Variants in USP45 observed in about 807,000 individuals in gnomAD.
USP45 encodes ubiquitin specific peptidase 45, also known as ubiquitin carboxyl-terminal hydrolase 45.
In USP45, 89 loss-of-function variants were observed where a neutral mutation model predicts 95.8. The observed-to-expected ratio is 0.93, with a 90% CI of 0.78 to 1.11. The LOEUF is 1.11. USP45 is among the 50% of genes least tolerant of loss of function. The pLI, the probability that USP45 is intolerant of heterozygous loss-of-function variation, is 0.00. For synonymous variants in USP45, 281 were observed against 316.2 expected (o/e 0.89, Z 1.18); for missense variants, 898 against 942.5 (o/e 0.95, Z 0.62).
chr6:99,452,504 G>A (rs866888721), intron 13 of USP45, among the ~76,000 whole-genome samples: 21 of 152,262 alleles, frequency 1.4e-4, no homozygotes, highest in Admixed American at 3.3e-4. Context: ...TTAGAATGGT[G>A]ATCATTAAAA....
intron 13 of USP45, among the ~76,000 whole-genome samples, chr6:99,454,390 TTAGTC>T (rs745349165): frequency 6.6e-6 from 1 of 152,092 alleles, no homozygotes; most frequent in Admixed American, 6.6e-5. Flanking sequence ...ACTCAGGACA[TTAGTC>T]TAGGTAATGA....
At chr6:99,489,028 C>T (rs139823985) in intron 5 of USP45, among the ~76,000 whole-genome samples, 1 of 152,242 alleles carries the variant, frequency 6.6e-6, no homozygotes, top group African/African-American at 2.4e-5. Context: ...TACAGATCTG[C>T]ACCTCACACT....
At chr6:99,485,888 A>G (rs1315575267) in intron 7 of USP45, among the ~76,000 whole-genome samples, 1 of 152,216 alleles carries the variant, frequency 6.6e-6, no homozygotes. Flanking sequence ...AAACCATATG[A>G]TCATCTCAAT....
At chr6:99,507,308 A>G in intron 4 of USP45, 120 bp downstream of exon 4, 1 of 530,164 alleles carries the variant, frequency 1.9e-6, no homozygotes, top group Non-Finnish European at 3.3e-6. Flanking sequence ...GATTGTGTTC[A>G]GGTTAAAAAA....
chr6:99,437,923 G>A (rs1562292897), intron 16 of USP45, among the ~76,000 whole-genome samples: 3 of 152,154 alleles, frequency 2.0e-5, no homozygotes. Flanking sequence ...CTCCCAAAGC[G>A]CTGGGATTAC....
At chr6:99,504,310 T>C (rs1478299815) in intron 4 of USP45, among the ~76,000 whole-genome samples, 2 of 152,142 alleles carry the variant, frequency 1.3e-5, no homozygotes, top group African/African-American at 4.8e-5. Flanking sequence ...CAGCTAATTT[T>C]TGTATTTTTA....
chr6:99,488,288 G>A lies in USP45; in HGVS notation c.626C>T (p.Ala209Val). The part of the protein sequence containing the change: ...CFFNAVMQNL[A>V]QTYTLTDLMN... ...CAGATCAGTAAGAGTATAAGTCTGT[G>A]CCAAGTTCTAAAAGAAAACAAAATT... The change falls in exon 7 of 18, where the codon GCA (alanine) becomes GTA (valine). Residue 209 changes from alanine to valine, a missense_variant. Coordinates refer to ENST00000500704, the MANE Select transcript of USP45 (RefSeq NM_001346022.3). 6.2e-7 allele frequency: 1 copy of A among 1,601,030 alleles called. No individual in the cohort carries two copies. Among genetic ancestry groups the A allele is most frequent in the Non-Finnish European group, 8.5e-7 (1 of 1,175,076 alleles).
intron 4 of USP45, among the ~76,000 whole-genome samples, chr6:99,504,767 A>C (rs1349564939): frequency 6.6e-6 from 1 of 152,176 alleles, no homozygotes; most frequent in Non-Finnish European, 1.5e-5. Context: ...GGTTCTGACA[A>C]CTGGTGAGAG....
At chr6:99,487,249 G>A (rs190909499) in intron 7 of USP45, among the ~76,000 whole-genome samples, 47 of 152,282 alleles carry the variant, frequency 3.1e-4, no homozygotes, top group Admixed American at 2.6e-4. Flanking sequence ...TTTGGCTGAA[G>A]GAGGGTGTTT....
chr6:99,504,951 T>C (rs1375366275), intron 4 of USP45, among the ~76,000 whole-genome samples: 1 of 151,970 alleles, frequency 6.6e-6, no homozygotes, highest in Non-Finnish European at 1.5e-5. Flanking sequence ...TTGCTGTGAG[T>C]TGATAATGTT....
At chr6:99,454,931 T>C (rs1784677349) in intron 13 of USP45, among the ~76,000 whole-genome samples, 1 of 151,072 alleles carries the variant, frequency 6.6e-6, no homozygotes, top group Admixed American at 6.6e-5. Context: ...CTACCAAAAA[T>C]ACAAAAAAAT....
chr6:99,470,234 T>C (rs1789067293), intron 9 of USP45, among the ~76,000 whole-genome samples: 1 of 152,202 alleles, frequency 6.6e-6, no homozygotes, highest in Non-Finnish European at 1.5e-5. Context: ...CAATATTATA[T>C]GGAGAAGGAG....
At chr6:99,482,666 C>G in intron 8 of USP45, 87 bp downstream of exon 8, 2 of 1,307,138 alleles carry the variant, frequency 1.5e-6, no homozygotes, top group Non-Finnish European at 2.0e-6. Flanking sequence ...AGCAAAGTTA[C>G]AGTAAAAACG....
intron 10 of USP45, among the ~76,000 whole-genome samples, chr6:99,467,731 A>G (rs1361755132): frequency 2.0e-5 from 3 of 152,074 alleles, no homozygotes; most frequent in African/African-American, 7.2e-5. Context: ...ACACAAAAGA[A>G]CAAGGCATAT....
chr6:99,455,731 A>G (rs1004871912), intron 13 of USP45, among the ~76,000 whole-genome samples: 15 of 147,960 alleles, frequency 1.0e-4, no homozygotes, highest in African/African-American at 3.7e-4. Flanking sequence ...TTGCATCAAC[A>G]TGGGTTGAAC....
At chr6:99,464,355 A>G (rs1181653766) in intron 13 of USP45, among the ~76,000 whole-genome samples, 1 of 152,202 alleles carries the variant, frequency 6.6e-6, no homozygotes, top group Non-Finnish European at 1.5e-5. Context: ...TACACATTGA[A>G]GTATATGATA....
chr6:99,483,844 C>CAAAAA (rs71276584), intron 7 of USP45, among the ~76,000 whole-genome samples: 38 of 86,432 alleles, frequency 4.4e-4, no homozygotes, highest in Non-Finnish European at 6.4e-4. Flanking sequence ...GACTCCGTCT[C>CAAAAA]AAAAAAAAAA....
At chr6:99,454,557 T>C (rs912065373) in intron 13 of USP45, among the ~76,000 whole-genome samples, 19 of 152,154 alleles carry the variant, frequency 1.2e-4, no homozygotes, top group Non-Finnish European at 2.9e-5. Flanking sequence ...TATAAGGAAC[T>C]AATGTTAGAC....
At chr6:99,490,664 C>T (rs774841056) in intron 5 of USP45, among the ~76,000 whole-genome samples, 6 of 152,160 alleles carry the variant, frequency 3.9e-5, no homozygotes, top group South Asian at 2.1e-4. Flanking sequence ...AATAAAAATT[C>T]GAAACACATA....
Sources: allele counts gnomAD v4.1 joint callset (sites outside exome capture counted in the v4.1 genomes callset), GRCh38; gene constraint gnomAD v4.1.1; transcripts MANE v1.5; gene names NCBI Gene and HGNC (gene_info 2026-07-23, HGNC 2026-07-21).